The following TSNAX variants were observed in gnomAD, a reference collection of about 807,000 sequenced individuals.
TSNAX encodes the protein translin associated factor X.
Under a neutral mutation model 33.0 loss-of-function variants are expected in TSNAX, and 12 were observed. The observed-to-expected ratio is 0.36, with a 90% confidence interval of 0.23 to 0.59. The LOEUF is 0.59. Among genes scored for constraint, TSNAX ranks in the 20% least tolerant of loss-of-function variants. TSNAX has a pLI of 0.74. For missense variants in TSNAX, 267 were observed against 341.3 expected, an observed-to-expected ratio of 0.78 and a Z score of 1.72; for synonymous variants, 110 against 117.2, an observed-to-expected ratio of 0.94 and a Z score of 0.40.
rs1661406646 is a variant in TSNAX, at chr1:231,565,986, TTAG to T, written c.*1086_*1088del. On this transcript the variant is annotated 3_prime_UTR_variant, in exon 6 of 6. Coordinates refer to ENST00000366639, the MANE Select transcript of TSNAX (RefSeq NM_005999.3). ...ACTTGTACATACAATGGAAATGCTTTTAGTAGTGATTATTTAGCAATTTTTGTT... is the reference window on the plus strand; with the variant it reads ...ACTTGTACATACAATGGAAATGCTTTTAGTGATTATTTAGCAATTTTTGTT... 2 of 152,152 alleles carry T rather than the reference TTAG, an allele frequency of 1.3e-5. No individual in the cohort carries two copies. The highest frequency in any genetic ancestry group is 1.3e-4 in the Admixed American group (2 of 15,278). The allele number at this position is 152,152 out of a possible 1,614,324, so 9.4% of individuals were successfully genotyped here.
At position 231,528,691 on chromosome 1, in the gene TSNAX, C is replaced by A; in HGVS notation, c.-120C>A. 8.5e-7 allele frequency: 1 copy of A among 1,179,738 alleles called. No individual in the cohort carries two copies. The highest frequency in any genetic ancestry group is 1.3e-5 in the South Asian group (1 of 78,098). 73.1% of individuals were successfully genotyped at this position (1,179,738 alleles called of 1,614,324 possible). On this transcript the variant is annotated 5_prime_UTR_variant, in exon 1 of 6. Transcript: ENST00000366639. The stretch of plus-strand genomic sequence containing the variant: ...CTTCCGGCCACTGCGTTGTAGTCGG[C>A]CCGGCTGCAAAGCGTTTTTCTGCAG...
In TSNAX at chr1:231,564,543, C is replaced by T; in HGVS notation, c.511C>T (p.Gln171Ter). ...TTTTTACCAGCCCTCCTCTGATGCA[C>T]AGGATAAGCAGTTTGGTACTTGGAG... ...KENKTPSSDA[Q>*]DKQFGTWRLR... is the part of the protein sequence containing the mutation. Residue 171 changes from glutamine to a stop codon, truncating the protein, a stop_gained, in exon 6 of 6, where the codon CAG becomes TAG. Coordinates refer to ENST00000366639, the MANE Select transcript of TSNAX (RefSeq NM_005999.3). LOFTEE classifies it high-confidence loss of function. 1 of 1,611,830 alleles carries T rather than the reference C, an allele frequency of 6.2e-7. No individual in the cohort carries two copies. The highest frequency in any genetic ancestry group is 1.1e-5 in the South Asian group (1 of 90,940).
intron 4 of TSNAX, among the ~76,000 whole-genome samples, chr1:231,544,771 G>A (rs939449885): frequency 1.3e-5 from 2 of 152,172 alleles, no homozygotes; most frequent in Non-Finnish European, 2.9e-5. Flanking sequence ...ACAGAGAAAT[G>A]GAGAGAAAAA....
At chr1:231,542,731 A>T in intron 4 of TSNAX, 120 bp downstream of exon 4, 1 of 1,218,388 alleles carries the variant, frequency 8.2e-7, no homozygotes, top group Non-Finnish European at 1.1e-6. Context: ...CTTTTAAAGA[A>T]CTGCAACTTT....
chr1:231,564,450 C>G, intron 5 of TSNAX, 78 bp from the exon 6 acceptor site: 1 of 1,520,936 alleles, frequency 6.6e-7, no homozygotes, highest in Non-Finnish European at 8.8e-7. Flanking sequence ...GTGATACATG[C>G]TATATTCACT....
At chr1:231,531,729 T>C (rs1017027682) in intron 2 of TSNAX, among the ~76,000 whole-genome samples, 1 of 152,148 alleles carries the variant, frequency 6.6e-6, no homozygotes, top group Non-Finnish European at 1.5e-5. Context: ...TATACATGAT[T>C]GGGTGTTTCC....
intron 2 of TSNAX, among the ~76,000 whole-genome samples, chr1:231,531,526 T>G (rs1328226924): frequency 6.6e-6 from 1 of 152,228 alleles, no homozygotes; most frequent in Admixed American, 6.5e-5. Flanking sequence ...AATTGTTCCT[T>G]ATCTAACTTT....
chr1:231,535,141 T>TC (rs1659077675), intron 2 of TSNAX: 1 of 152,200 alleles, frequency 6.6e-6, no homozygotes. Flanking sequence ...TTTAATGTGT[T>TC]AGAGGCATGA....
At position 231,561,179 on chromosome 1, in the gene TSNAX, G is replaced by T. The variant is rs758573869; in HGVS notation, c.419G>T (p.Arg140Leu). The change falls in exon 5 of 6, where the codon CGA becomes CTA. Residue 140 changes from arginine (R) to leucine (L), a missense_variant. By Grantham distance (102) the Arg-to-Leu change is moderately radical. This residue lies in a region of TSNAX where 200 missense variants were observed against 214.1 expected (regional missense o/e 0.93). Transcript: ENST00000366639. Reference sequence around the variant, plus strand: ...TCTTTTCAACACTTCATCAAAACACGATCATTAATTAGTATGGATGAAATT... The same window carrying T: ...TCTTTTCAACACTTCATCAAAACACTATCATTAATTAGTATGGATGAAATT... ...AVSFQHFIKT[R>L]SLISMDEINK... The T allele has an allele frequency of 6.2e-7, 1 of 1,608,628 alleles. No individual in the cohort carries two copies.
At chr1:231,529,386 G>A in intron 2 of TSNAX, 27 bp downstream of exon 2, 1 of 1,604,026 alleles carries the variant, frequency 6.2e-7, no homozygotes, top group Non-Finnish European at 8.5e-7. Flanking sequence ...GTAAGTTGAA[G>A]AAGGGGAGAG....
intron 4 of TSNAX, among the ~76,000 whole-genome samples, chr1:231,546,849 CAT>C (rs1659949742): frequency 6.6e-6 from 1 of 152,112 alleles, no homozygotes; most frequent in Non-Finnish European, 1.5e-5. Context: ...AGGGCATCAA[CAT>C]AGAGCTGACA....
Position 231,565,932 on chromosome 1 carries a change from A to G in TSNAX, c.*1027A>G, listed in dbSNP as rs1315902250. On this transcript the variant is annotated 3_prime_UTR_variant, in exon 6 of 6. Coordinates refer to ENST00000366639, the MANE Select transcript of TSNAX (RefSeq NM_005999.3). The stretch of plus-strand genomic sequence containing the variant: ...GATAGAGAATTGGAGCTAAATTATA[A>G]TATTTTTGTTGGTAAAGTTGAGTTA... 1 of 152,020 alleles carries G rather than the reference A, an allele frequency of 6.6e-6. No homozygotes were observed. The highest frequency in any genetic ancestry group is 2.4e-5 in the African/African-American group (1 of 41,394). 9.4% of individuals were successfully genotyped at this position (152,020 alleles called of 1,614,324 possible).
intron 2 of TSNAX, among the ~76,000 whole-genome samples, chr1:231,531,895 A>G (rs552804674): frequency 1.6e-4 from 24 of 152,088 alleles, no homozygotes; most frequent in Admixed American, 7.9e-4. Flanking sequence ...TAGATCTTAA[A>G]TGTTTTTACC....
intron 2 of TSNAX, among the ~76,000 whole-genome samples, chr1:231,532,131 A>ACACACACAC (rs1231238804): frequency 2.3e-5 from 2 of 85,150 alleles, no homozygotes; most frequent in Non-Finnish European, 4.1e-5. Context: ...TAGTGGTAAT[A>ACACACACAC]ACACACACAC....
intron 2 of TSNAX, 64 bp downstream of exon 2, chr1:231,529,423 C>T: frequency 6.7e-7 from 1 of 1,492,644 alleles, no homozygotes; most frequent in Non-Finnish European, 9.3e-7. Context: ...CATGGTTATG[C>T]GCAAGAAAAC....
In TSNAX at chr1:231,564,813, A is replaced by G. The variant is rs750966099; in HGVS notation, c.781A>G (p.Lys261Glu). The change falls in exon 6 of 6, where the codon AAA becomes GAA. Residue 261 changes from lysine to glutamate, a missense_variant. Around this residue, in one of 2 missense-constraint regions of TSNAX, gnomAD observed 67 missense variants for 127.2 expected, o/e 0.53. Coordinates refer to ENST00000366639, the MANE Select transcript of TSNAX (RefSeq NM_005999.3). Reference protein sequence around the residue: ...AKVENACYALKVRGSEIPKHM... With the variant: ...AKVENACYALEVRGSEIPKHM... ...AGTGGAGAATGCTTGTTATGCCTTG[A>G]AAGTCAGAGGGTCAGAAATTCCAAA... 2 of 1,614,212 alleles carry G rather than the reference A, an allele frequency of 1.2e-6. No individual in the cohort carries two copies. The highest frequency in any genetic ancestry group is 1.3e-5 in the African/African-American group (1 of 75,048).
intron 5 of TSNAX, among the ~76,000 whole-genome samples, chr1:231,563,923 T>A (rs1309035765): frequency 2.0e-5 from 3 of 152,170 alleles, no homozygotes; most frequent in Non-Finnish European, 2.9e-5. Flanking sequence ...CATTTTTTTT[T>A]AACTCAGTGA....
intron 4 of TSNAX, 66 bp downstream of exon 4, chr1:231,542,677 G>A: frequency 6.7e-7 from 1 of 1,500,970 alleles, no homozygotes; most frequent in Non-Finnish European, 9.0e-7. Context: ...TAACATGTGA[G>A]TTGCATGAAT....
At chr1:231,552,016 C>T (rs1401790260) in intron 4 of TSNAX, among the ~76,000 whole-genome samples, 1 of 151,708 alleles carries the variant, frequency 6.6e-6, no homozygotes, top group Non-Finnish European at 1.5e-5. Context: ...AAGACCCATT[C>T]CAGGCGCGGT....
Sources: gnomAD v4.1 joint callset for allele counts (sites outside exome capture counted in the v4.1 genomes callset) on GRCh38, gnomAD v4.1.1 for gene constraint, gnomAD v4.1.1 regional missense constraint, MANE v1.5 for transcripts, NCBI Gene and HGNC (gene_info 2026-07-23, HGNC 2026-07-21) for gene names.